Variants in PRKN observed in about 807,000 individuals in gnomAD.
PRKN encodes E3 ubiquitin-protein ligase parkin.
Under a neutral mutation model 59.5 loss-of-function variants are expected in PRKN, and 56 were observed. The observed-to-expected ratio is 0.94, with a 90% CI of 0.76 to 1.18. The LOEUF (loss-of-function observed/expected upper bound fraction) is 1.18, where lower values mean the gene tolerates loss of function less well. Among genes scored for constraint, PRKN ranks in the 50% most tolerant of loss-of-function variants. PRKN has a pLI of 0.00. For synonymous variants in PRKN, 250 were observed against 222.1 expected, an observed-to-expected ratio of 1.13 and a Z score of -1.12; for missense variants, 657 against 596.4, an observed-to-expected ratio of 1.10 and a Z score of -1.06.
chr6:162,334,112 G>A (rs1012319883), intron 2 of PRKN, among the ~76,000 whole-genome samples: 1 of 152,188 alleles, frequency 6.6e-6, no homozygotes, highest in Non-Finnish European at 1.5e-5. Flanking sequence ...GCAGAGGTTG[G>A]TTCATGAGGA....
At chr6:162,360,894 G>A (rs1455038578) in intron 2 of PRKN, among the ~76,000 whole-genome samples, 3 of 152,208 alleles carry the variant, frequency 2.0e-5, no homozygotes, top group African/African-American at 7.2e-5. Context: ...TGGCCTTTGA[G>A]AGACAACATG....
At chr6:161,654,359 A>G (rs1431114350) in intron 7 of PRKN, among the ~76,000 whole-genome samples, 1 of 152,154 alleles carries the variant, frequency 6.6e-6, no homozygotes, top group Non-Finnish European at 1.5e-5. Flanking sequence ...GAAGCCCTTC[A>G]TTTATTATGG....
intron 5 of PRKN, among the ~76,000 whole-genome samples, chr6:162,011,281 TAAA>T: frequency 1.4e-4 from 1 of 7,198 alleles, no homozygotes; most frequent in African/African-American, 4.1e-4. Context: ...TATATATTTA[TAAA>T]ATATGTAATA....
intron 7 of PRKN, among the ~76,000 whole-genome samples, chr6:161,741,286 A>G (rs1788171219): frequency 6.6e-6 from 1 of 152,164 alleles, no homozygotes; most frequent in South Asian, 2.1e-4. Context: ...GCCATCTAAT[A>G]GTTTCTCCGA....
intron 6 of PRKN, among the ~76,000 whole-genome samples, chr6:161,960,010 T>C (rs1030445611): frequency 3.3e-5 from 5 of 152,138 alleles, no homozygotes; most frequent in African/African-American, 1.2e-4. Flanking sequence ...TTCTGCAAAG[T>C]AGAATGTGCT....
chr6:161,745,058 C>T (rs972252533), intron 7 of PRKN, among the ~76,000 whole-genome samples: 3 of 152,120 alleles, frequency 2.0e-5, no homozygotes, highest in Non-Finnish European at 4.4e-5. Context: ...AGGATTGGAA[C>T]GTAGGCAGTT....
At chr6:162,679,356 G>A (rs1011665235) in intron 1 of PRKN, among the ~76,000 whole-genome samples, 15 of 151,892 alleles carry the variant, frequency 9.9e-5, no homozygotes, top group Admixed American at 7.2e-4. Context: ...CGCCCACCTC[G>A]GCCTCCCAAA....
At chr6:161,918,901 C>G (rs979081371) in intron 6 of PRKN, among the ~76,000 whole-genome samples, 4 of 152,046 alleles carry the variant, frequency 2.6e-5, no homozygotes, top group Admixed American at 2.0e-4. Context: ...AAACTAGAAA[C>G]CAACACCCCC....
intron 1 of PRKN, among the ~76,000 whole-genome samples, chr6:162,543,782 G>A (rs1779013569): frequency 6.6e-6 from 1 of 152,044 alleles, no homozygotes; most frequent in Admixed American, 6.6e-5. Context: ...TCCTGCCCAG[G>A]CCAATAGATA....
intron 9 of PRKN, among the ~76,000 whole-genome samples, chr6:161,408,704 C>T (rs1787390618): frequency 6.6e-6 from 1 of 151,878 alleles, no homozygotes; most frequent in Admixed American, 6.6e-5. Context: ...CTGTTGGTGG[C>T]AAGATCTGCT....
chr6:162,537,480 C>T (rs546830147), intron 1 of PRKN, among the ~76,000 whole-genome samples: 1 of 152,088 alleles, frequency 6.6e-6, no homozygotes, highest in Non-Finnish European at 1.5e-5. Context: ...ACTGTCTTCC[C>T]ACTTTAGGCC....
At position 161,693,480 on chromosome 6, in the gene PRKN, A is replaced by G. The variant is rs1030628935; in HGVS notation, c.871+92292T>C. Among the ~76,000 whole-genome samples the G allele has an allele frequency of 2.6e-5, 4 of 152,200 alleles. No homozygotes were observed. In the South Asian group the frequency reaches 8.3e-4, roughly 32 times the overall value. Reference sequence around the variant, plus strand: ...TTTATATTCAATTCTCAGGAAAGAGATACCCAAAATTATGTGTCTCTGCTG... The same window carrying G: ...TTTATATTCAATTCTCAGGAAAGAGGTACCCAAAATTATGTGTCTCTGCTG... On this transcript the variant is annotated intron_variant, in intron 7 of 11. Coordinates refer to ENST00000366898, the MANE Select transcript of PRKN (RefSeq NM_004562.3).
At chr6:162,540,124 C>A (rs190179399) in intron 1 of PRKN, among the ~76,000 whole-genome samples, 152 of 152,290 alleles carry the variant, frequency 1.0e-3, no homozygotes, top group Admixed American at 7.4e-3. Context: ...CCAGGTTGGC[C>A]AAGCTGCTCT....
At chr6:162,673,209 A>T (rs1030014612) in intron 1 of PRKN, among the ~76,000 whole-genome samples, 1 of 152,202 alleles carries the variant, frequency 6.6e-6, no homozygotes, top group Non-Finnish European at 1.5e-5. Flanking sequence ...CCTGCCCTGA[A>T]GCCCACATGA....
chr6:162,433,280 C>T (rs1057170098), intron 2 of PRKN, among the ~76,000 whole-genome samples: 17 of 152,034 alleles, frequency 1.1e-4, no homozygotes, highest in Admixed American at 6.6e-5. Context: ...TCATATAGAT[C>T]AGAAAAATAA....
At position 162,727,745 on chromosome 6, in the gene PRKN, C is replaced by A. The variant is rs756731328; in HGVS notation, c.-77G>T. On this transcript the variant is annotated 5_prime_UTR_variant, in exon 1 of 12. Coordinates refer to ENST00000366898, the MANE Select transcript of PRKN (RefSeq NM_004562.3). ...CGGCGCCAGCCGCGCCTCCCACCAG[C>A]GGCTCTCCTGGGTTAAATCCTCCAG... 1.2e-5 allele frequency: 17 copies of A among 1,469,524 alleles called. No individual in the cohort carries two copies. In the African/African-American group the frequency reaches 2.1e-4, roughly 18 times the overall value. 91.0% of individuals were successfully genotyped at this position (1,469,524 alleles called of 1,614,324 possible).
At chr6:161,426,104 G>A (rs965168277) in intron 9 of PRKN, among the ~76,000 whole-genome samples, 1 of 152,030 alleles carries the variant, frequency 6.6e-6, no homozygotes, top group Non-Finnish European at 1.5e-5. Context: ...AAAATGTGAT[G>A]GGGTGACAAA....
chr6:161,577,962 G>T (rs1583251951), intron 7 of PRKN, among the ~76,000 whole-genome samples: 1 of 151,958 alleles, frequency 6.6e-6, no homozygotes, highest in East Asian at 1.9e-4. Flanking sequence ...ATTCTTCATC[G>T]AACAACTCTT....
At chr6:161,641,322 TA>T (rs1783729773) in intron 7 of PRKN, among the ~76,000 whole-genome samples, 1 of 152,216 alleles carries the variant, frequency 6.6e-6, no homozygotes, top group South Asian at 2.1e-4. Flanking sequence ...TTGTAAAACC[TA>T]AAATCTGTGC....
Sources: allele counts gnomAD v4.1 joint callset (sites outside exome capture counted in the v4.1 genomes callset), GRCh38; gene constraint gnomAD v4.1.1; transcripts MANE v1.5; gene names NCBI Gene and HGNC (gene_info 2026-07-23, HGNC 2026-07-21).